The following EPC1 variants were observed in gnomAD, a reference collection of about 807,000 sequenced individuals.
EPC1 encodes enhancer of polycomb 1.
EPC1 carries 12 observed loss-of-function variants against 98.4 expected under a neutral mutation model. The observed-to-expected ratio is 0.12, with a 90% CI of 0.08 to 0.20. The LOEUF is 0.20. Among genes scored for constraint, EPC1 ranks in the 10% least tolerant of loss-of-function variants. EPC1 has a pLI of 1.00. For synonymous variants in EPC1, 357 were observed against 363.9 expected, an observed-to-expected ratio of 0.98 and a Z score of 0.21; for missense variants, 729 against 990.5, an observed-to-expected ratio of 0.74 and a Z score of 3.54.
intron 10 of EPC1, among the ~76,000 whole-genome samples, chr10:32,274,570 T>C (rs1835987517): frequency 2.0e-5 from 3 of 152,194 alleles, no homozygotes; most frequent in African/African-American, 7.2e-5. Context: ...TATACTTGAG[T>C]TGAACTAAGT....
intron 1 of EPC1, among the ~76,000 whole-genome samples, chr10:32,321,734 CG>C (rs1242208462): frequency 1.3e-5 from 2 of 151,836 alleles, no homozygotes; most frequent in African/African-American, 4.8e-5. Flanking sequence ...TCCGAAGTGG[CG>C]GAAGTAGGAT....
At chr10:32,370,460 G>A (rs79017933) in intron 1 of EPC1, among the ~76,000 whole-genome samples, 5,106 of 152,178 alleles carry the variant, frequency 0.034, 310 homozygotes, top group African/African-American at 0.12. Flanking sequence ...GACAACTTTT[G>A]GGAAATATTT....
chr10:32,294,881 A>G (rs1835056277), intron 2 of EPC1, among the ~76,000 whole-genome samples: 1 of 152,114 alleles, frequency 6.6e-6, no homozygotes, highest in Non-Finnish European at 1.5e-5. Flanking sequence ...TAGTAACATC[A>G]GATTTCATTG....
intron 1 of EPC1, among the ~76,000 whole-genome samples, chr10:32,327,525 T>C (rs1837371128): frequency 6.6e-6 from 1 of 152,202 alleles, no homozygotes; most frequent in Admixed American, 6.5e-5. Context: ...GATCTGGTCA[T>C]TACACAGTGT....
intron 2 of EPC1, among the ~76,000 whole-genome samples, chr10:32,302,289 T>G (rs1467925657): frequency 6.6e-6 from 1 of 151,596 alleles, no homozygotes; most frequent in Non-Finnish European, 1.5e-5. Context: ...AAAGACACTG[T>G]GTCTAGAATA....
chr10:32,274,876 T>C (rs1292891538), intron 10 of EPC1, among the ~76,000 whole-genome samples: 1 of 152,184 alleles, frequency 6.6e-6, no homozygotes, highest in East Asian at 1.9e-4. Flanking sequence ...ATAGTTAATA[T>C]TTCTCATGTT....
At chr10:32,337,970 T>C (rs969899390) in intron 1 of EPC1, among the ~76,000 whole-genome samples, 5 of 152,240 alleles carry the variant, frequency 3.3e-5, no homozygotes, top group Non-Finnish European at 5.9e-5. Context: ...ATCTTTTCAG[T>C]AGCTCCTCCT....
chr10:32,335,122 C>T (rs1263325447), intron 1 of EPC1, among the ~76,000 whole-genome samples: 1 of 152,174 alleles, frequency 6.6e-6, no homozygotes, highest in Non-Finnish European at 1.5e-5. Context: ...CCACTTCTAG[C>T]TGCAAGAATG....
intron 1 of EPC1, among the ~76,000 whole-genome samples, chr10:32,329,691 A>C (rs1373293230): frequency 1.3e-5 from 2 of 152,240 alleles, no homozygotes; most frequent in East Asian, 3.8e-4. Context: ...AAACACATGA[A>C]TAAATTAACA....
chr10:32,371,724 C>T (rs1839756231), intron 1 of EPC1, among the ~76,000 whole-genome samples: 1 of 151,888 alleles, frequency 6.6e-6, no homozygotes, highest in South Asian at 2.1e-4. Flanking sequence ...CATGGTGAAA[C>T]CTCATCTCTA....
intron 10 of EPC1, among the ~76,000 whole-genome samples, chr10:32,281,209 A>G (rs1471243640): frequency 2.0e-5 from 3 of 152,120 alleles, no homozygotes; most frequent in Non-Finnish European, 2.9e-5. Flanking sequence ...TAATTTTTGT[A>G]TTTTTAATAG....
intron 1 of EPC1, among the ~76,000 whole-genome samples, chr10:32,313,844 C>T (rs946429793): frequency 2.6e-5 from 4 of 151,888 alleles, no homozygotes; most frequent in South Asian, 2.1e-4. Flanking sequence ...TGAGATCGCG[C>T]CACTGCACTC....
chr10:32,332,650 T>C (rs1304087518), intron 1 of EPC1, among the ~76,000 whole-genome samples: 2 of 152,242 alleles, frequency 1.3e-5, no homozygotes, highest in African/African-American at 2.4e-5. Context: ...ACTGCAATCC[T>C]GAACAGCTTT....
chr10:32,375,978 A>G (rs1013243731), intron 1 of EPC1, among the ~76,000 whole-genome samples: 2 of 152,034 alleles, frequency 1.3e-5, no homozygotes, highest in African/African-American at 4.8e-5. Flanking sequence ...AAAAAAAATA[A>G]TGTTCAAGGA....
chr10:32,296,668 G>C (rs1164895837), intron 2 of EPC1, among the ~76,000 whole-genome samples: 2 of 152,150 alleles, frequency 1.3e-5, no homozygotes, highest in Admixed American at 1.3e-4. Flanking sequence ...CAGCACTTTG[G>C]GAGGCCAAGG....
chr10:32,307,785 A>G (rs928158611), intron 1 of EPC1, among the ~76,000 whole-genome samples: 5 of 152,210 alleles, frequency 3.3e-5, no homozygotes, highest in Admixed American at 2.6e-4. Flanking sequence ...ACTCTCAGAT[A>G]TCCTCAAATG....
intron 1 of EPC1, among the ~76,000 whole-genome samples, chr10:32,354,602 G>T (rs1304120331): frequency 7.8e-6 from 1 of 128,106 alleles, no homozygotes; most frequent in Non-Finnish European, 1.6e-5. Context: ...CATTTATTGT[G>T]TAAATCCTAA....
At chr10:32,340,447 A>C (rs904803264) in intron 1 of EPC1, among the ~76,000 whole-genome samples, 1 of 152,212 alleles carries the variant, frequency 6.6e-6, no homozygotes, top group Non-Finnish European at 1.5e-5. Flanking sequence ...ATCACTACCT[A>C]TTATTACAGG....
chr10:32,342,969 G>A (rs968107408), intron 1 of EPC1, among the ~76,000 whole-genome samples: 1 of 152,126 alleles, frequency 6.6e-6, no homozygotes, highest in African/African-American at 2.4e-5. Context: ...ATGCGAAGCC[G>A]TAGCACAAGA....
Sources: gnomAD v4.1 joint callset for allele counts (sites outside exome capture counted in the v4.1 genomes callset) on GRCh38, gnomAD v4.1.1 for gene constraint, MANE v1.5 for transcripts, NCBI Gene and HGNC (gene_info 2026-07-23, HGNC 2026-07-21) for gene names.